Variants in ST6GALNAC3 observed in about 807,000 individuals in gnomAD.
ST6GALNAC3 encodes ST6 N-acetylgalactosaminide alpha-2,6-sialyltransferase 3.
In ST6GALNAC3, 25 loss-of-function variants were observed where a neutral mutation model predicts 32.7. That is an observed-to-expected ratio of 0.76 (90% CI 0.56 to 1.07). The LOEUF (loss-of-function observed/expected upper bound fraction) is 1.07, where lower values mean the gene tolerates loss of function less well. Among genes scored for constraint, ST6GALNAC3 ranks in the 50% least tolerant of loss-of-function variants. The pLI, the probability that ST6GALNAC3 is intolerant of heterozygous loss-of-function variation, is 0.00. For synonymous variants in ST6GALNAC3, 129 were observed against 133.1 expected (o/e 0.97, Z 0.21); for missense variants, 355 against 382.4 (o/e 0.93, Z 0.60).
chr1:76,567,572 C>T (rs564055181), intron 3 of ST6GALNAC3, among the ~76,000 whole-genome samples: 15 of 152,258 alleles, frequency 9.9e-5, no homozygotes, highest in African/African-American at 3.6e-4. Flanking sequence ...GCCACTTCAC[C>T]AGATGCAATA....
chr1:76,368,971 C>T (rs761202530), intron 2 of ST6GALNAC3, among the ~76,000 whole-genome samples: 4 of 152,196 alleles, frequency 2.6e-5, no homozygotes, highest in Non-Finnish European at 5.9e-5. Context: ...CCATCAGTGT[C>T]TTCCACTCTT....
chr1:76,250,984 C>T (rs72675945), intron 1 of ST6GALNAC3, among the ~76,000 whole-genome samples: 5,459 of 152,200 alleles, frequency 0.036, 202 homozygotes, highest in African/African-American at 0.091. Context: ...TTTGTAGCTT[C>T]GACCTTTCTT....
chr1:76,184,528 C>A (rs1653417753), intron 1 of ST6GALNAC3, among the ~76,000 whole-genome samples: 1 of 135,074 alleles, frequency 7.4e-6, no homozygotes, highest in African/African-American at 2.9e-5. Flanking sequence ...AGCACACACA[C>A]ACACACACAC....
At chr1:76,274,418 C>T (rs527983477) in intron 1 of ST6GALNAC3, among the ~76,000 whole-genome samples, 19 of 152,174 alleles carry the variant, frequency 1.2e-4, no homozygotes, top group Non-Finnish European at 2.6e-4. Flanking sequence ...ATGACTTTGC[C>T]CCCAATCTCT....
intron 1 of ST6GALNAC3, among the ~76,000 whole-genome samples, chr1:76,138,732 G>A (rs1650105617): frequency 6.6e-6 from 1 of 152,152 alleles, no homozygotes; most frequent in Non-Finnish European, 1.5e-5. Context: ...CTTCAGTAGA[G>A]TGCCTTTTTA....
At chr1:76,456,127 A>G (rs1310019146) in intron 3 of ST6GALNAC3, among the ~76,000 whole-genome samples, 1 of 152,164 alleles carries the variant, frequency 6.6e-6, no homozygotes, top group Non-Finnish European at 1.5e-5. Flanking sequence ...AGTCAAGATC[A>G]TGACACTGCA....
intron 2 of ST6GALNAC3, among the ~76,000 whole-genome samples, chr1:76,396,608 C>G (rs2101184391): frequency 6.6e-6 from 1 of 152,280 alleles, no homozygotes; most frequent in South Asian, 2.1e-4. Context: ...GGATGTTGCT[C>G]AGTTTATGAA....
chr1:76,505,332 C>A (rs1661417776), intron 3 of ST6GALNAC3, among the ~76,000 whole-genome samples: 1 of 152,070 alleles, frequency 6.6e-6, no homozygotes, highest in African/African-American at 2.4e-5. Context: ...CCATGTTGGC[C>A]AGGATGGTCT....
chr1:76,390,946 A>ATTTTTTTTTTTTTTTTTTTTTTTTTTTT (rs58114434), intron 2 of ST6GALNAC3, among the ~76,000 whole-genome samples: 11 of 120,970 alleles, frequency 9.1e-5, no homozygotes, highest in Non-Finnish European at 1.9e-4. Context: ...ATATATATGT[A>ATTTTTTTTTTTTTTTTTTTTTTTTTTTT]TTTTTTTTTT....
chr1:76,301,472 G>T (rs1660722242), intron 1 of ST6GALNAC3, among the ~76,000 whole-genome samples: 1 of 152,002 alleles, frequency 6.6e-6, no homozygotes, highest in Non-Finnish European at 1.5e-5. Flanking sequence ...ATTCTAGCAG[G>T]GGAAACTATA....
intron 3 of ST6GALNAC3, among the ~76,000 whole-genome samples, chr1:76,468,377 CATG>C (rs1658792049): frequency 6.6e-6 from 1 of 152,040 alleles, no homozygotes; most frequent in Non-Finnish European, 1.5e-5. Context: ...TCTGCATTCA[CATG>C]ATAAGAAACA....
At chr1:76,184,892 G>T (rs1653455331) in intron 1 of ST6GALNAC3, among the ~76,000 whole-genome samples, 1 of 152,266 alleles carries the variant, frequency 6.6e-6, no homozygotes, top group South Asian at 2.1e-4. Flanking sequence ...TACTCATGTT[G>T]TCCAGTCGAG....
intron 3 of ST6GALNAC3, among the ~76,000 whole-genome samples, chr1:76,490,596 A>G (rs936940675): frequency 1.3e-5 from 2 of 151,644 alleles, no homozygotes; most frequent in East Asian, 3.9e-4. Flanking sequence ...TCCCTTTAAA[A>G]TATATTCAGT....
chr1:76,085,649 C>T (rs1184653029), intron 1 of ST6GALNAC3, among the ~76,000 whole-genome samples: 1 of 152,118 alleles, frequency 6.6e-6, no homozygotes. Context: ...TAGGCCTTAC[C>T]ACTGTTTCTG....
At chr1:76,150,722 C>T (rs981906032) in intron 1 of ST6GALNAC3, among the ~76,000 whole-genome samples, 2 of 152,172 alleles carry the variant, frequency 1.3e-5, no homozygotes, top group African/African-American at 4.8e-5. Flanking sequence ...GCTTCGTTCC[C>T]ACCTCTGTTT....
chr1:76,111,429 ATT>A (rs572131805), intron 1 of ST6GALNAC3, among the ~76,000 whole-genome samples: 1,638 of 135,780 alleles, frequency 0.012, 36 homozygotes, highest in African/African-American at 0.048. Context: ...CCCAAATGAC[ATT>A]TTTTTTTTTC....
At chr1:76,441,750 C>T (rs1415855703) in intron 3 of ST6GALNAC3, among the ~76,000 whole-genome samples, 1 of 152,028 alleles carries the variant, frequency 6.6e-6, no homozygotes, top group African/African-American at 2.4e-5. Flanking sequence ...TAACCATTCC[C>T]ACCTCCCCCC....
intron 2 of ST6GALNAC3, among the ~76,000 whole-genome samples, chr1:76,382,026 A>G (rs1651748636): frequency 6.6e-6 from 1 of 152,280 alleles, no homozygotes; most frequent in African/African-American, 2.4e-5. Flanking sequence ...AGCAAGAAGG[A>G]TCTTTATAAA....
chr1:76,490,558 G>A (rs1277834356), intron 3 of ST6GALNAC3, among the ~76,000 whole-genome samples: 2 of 150,910 alleles, frequency 1.3e-5, no homozygotes, highest in Admixed American at 1.3e-4. Flanking sequence ...ACAACTTGCG[G>A]AATGCAATAA....
Sources: gnomAD v4.1 joint callset for allele counts (sites outside exome capture counted in the v4.1 genomes callset) on GRCh38, gnomAD v4.1.1 for gene constraint, MANE v1.5 for transcripts, NCBI Gene and HGNC (gene_info 2026-07-23, HGNC 2026-07-21) for gene names.